USP46: variants seen among roughly 807,000 people sequenced by gnomAD.
USP46 encodes the protein ubiquitin carboxyl-terminal hydrolase 46.
Under a neutral mutation model 44.4 loss-of-function variants are expected in USP46, and 12 were observed. The observed-to-expected ratio is 0.27, with a 90% CI of 0.17 to 0.44. USP46 has a LOEUF of 0.44. Ranked by LOEUF, USP46 falls within the 20% of genes least tolerant of loss-of-function variation. The pLI, the probability that USP46 is intolerant of heterozygous loss-of-function variation, is 1.00. For synonymous variants in USP46, 155 were observed against 161.5 expected, an observed-to-expected ratio of 0.96 and a Z score of 0.31; for missense variants, 248 against 444.8, an observed-to-expected ratio of 0.56 and a Z score of 3.98.
intron 1 of USP46, among the ~76,000 whole-genome samples, chr4:52,656,757 C>G (rs1718966473): frequency 6.6e-6 from 1 of 152,070 alleles, no homozygotes; most frequent in South Asian, 2.1e-4. Flanking sequence ...AGAACCAGGA[C>G]CTGCCGGGTA....
intron 5 of USP46, among the ~76,000 whole-genome samples, chr4:52,608,312 A>G (rs1410840641): frequency 6.6e-6 from 1 of 152,140 alleles, no homozygotes; most frequent in Non-Finnish European, 1.5e-5. Flanking sequence ...CTTCTTTTTC[A>G]CTCACCACAA....
intron 1 of USP46, among the ~76,000 whole-genome samples, chr4:52,646,085 T>C (rs2109661213): frequency 6.6e-6 from 1 of 152,340 alleles, no homozygotes; most frequent in East Asian, 1.9e-4. Flanking sequence ...AGGTAGTTCT[T>C]TATAGCACTG....
intron 1 of USP46, among the ~76,000 whole-genome samples, chr4:52,632,990 A>AAAGAAAGAAAGAAAG: frequency 6.0e-5 from 4 of 66,342 alleles, no homozygotes; most frequent in African/African-American, 1.8e-4. Context: ...GAAAGAAAAG[A>AAAGAAAGAAAGAAAG]AAAGAAAGAA....
At chr4:52,623,228 AC>A (rs1285169710) in intron 4 of USP46, among the ~76,000 whole-genome samples, 1 of 152,158 alleles carries the variant, frequency 6.6e-6, no homozygotes, top group Non-Finnish European at 1.5e-5. Context: ...GAAGGAGTAC[AC>A]CCTTATTAAA....
chr4:52,626,899 C>G (rs1717613301), intron 3 of USP46, among the ~76,000 whole-genome samples: 1 of 152,148 alleles, frequency 6.6e-6, no homozygotes, highest in Admixed American at 6.5e-5. Context: ...TACCAATGAT[C>G]AATTAATTAT....
intron 5 of USP46, 74 bp from the exon 6 acceptor site, chr4:52,604,658 T>C: frequency 1.0e-6 from 1 of 999,658 alleles, no homozygotes; most frequent in Non-Finnish European, 1.5e-6. Context: ...AATCCCTCAA[T>C]TAACCTGTAG....
intron 1 of USP46, among the ~76,000 whole-genome samples, chr4:52,652,629 TGA>T (rs1486592148): frequency 6.6e-6 from 1 of 151,910 alleles, no homozygotes; most frequent in Admixed American, 6.6e-5. Context: ...AAAAGCAAAC[TGA>T]GAGGAATGTT....
chr4:52,620,549 GA>G (rs147210547), intron 4 of USP46, among the ~76,000 whole-genome samples: 40 of 152,088 alleles, frequency 2.6e-4, no homozygotes, highest in African/African-American at 8.4e-4. Context: ...GCAAATGTGG[GA>G]AAAAAACCCC....
intron 1 of USP46, among the ~76,000 whole-genome samples, chr4:52,657,485 A>C (rs1036824965): frequency 5.3e-5 from 8 of 152,152 alleles, no homozygotes; most frequent in African/African-American, 1.2e-4. Context: ...CAGGACAAGA[A>C]CACCACCAAG....
intron 7 of USP46, 133 bp downstream of exon 7, chr4:52,601,724 G>T (rs1716480091): frequency 3.8e-6 from 3 of 789,906 alleles, no homozygotes; most frequent in Non-Finnish European, 5.5e-6. Context: ...TTTTTGTGAT[G>T]ATCAGTAAGA....
intron 4 of USP46, among the ~76,000 whole-genome samples, chr4:52,616,337 T>TTTCCC (rs529482480): frequency 1.3e-5 from 2 of 152,096 alleles, no homozygotes; most frequent in African/African-American, 2.4e-5. Flanking sequence ...TTTCCTTTCC[T>TTTCCC]TTCCCTTCCC....
intron 4 of USP46, among the ~76,000 whole-genome samples, chr4:52,624,186 A>G (rs1393441208): frequency 1.3e-5 from 2 of 152,174 alleles, no homozygotes; most frequent in Non-Finnish European, 2.9e-5. Context: ...GGGAAATACC[A>G]TACTACTGCC....
chr4:52,653,466 G>T (rs1456947297), intron 1 of USP46, among the ~76,000 whole-genome samples: 1 of 134,336 alleles, frequency 7.4e-6, no homozygotes, highest in African/African-American at 2.9e-5. Flanking sequence ...TCGCACTCCA[G>T]CCTGGGCAAC....
intron 1 of USP46, among the ~76,000 whole-genome samples, chr4:52,654,358 A>G (rs1339404070): frequency 6.6e-6 from 1 of 152,220 alleles, no homozygotes; most frequent in Non-Finnish European, 1.5e-5. Context: ...CTGTTCCCCC[A>G]AATCACAAGA....
intron 6 of USP46, among the ~76,000 whole-genome samples, chr4:52,603,008 G>T (rs1397267559): frequency 1.3e-5 from 2 of 152,178 alleles, no homozygotes; most frequent in Non-Finnish European, 2.9e-5. Context: ...ATGCCATTTA[G>T]TTTGTGTACA....
chr4:52,630,671 A>C (rs1421794437), intron 2 of USP46, among the ~76,000 whole-genome samples: 2 of 144,822 alleles, frequency 1.4e-5, no homozygotes, highest in Non-Finnish European at 3.0e-5. Flanking sequence ...CACGAGGTGG[A>C]GGTTGCAGTG....
chr4:52,628,256 G>T (rs1717669089), intron 2 of USP46, 93 bp from the exon 3 acceptor site: 1 of 1,281,184 alleles, frequency 7.8e-7, no homozygotes, highest in Non-Finnish European at 1.1e-6. Flanking sequence ...CCTGCTCCGT[G>T]AACTGGCCTG....
At chr4:52,634,599 A>G (rs909351803) in intron 1 of USP46, among the ~76,000 whole-genome samples, 6 of 149,686 alleles carry the variant, frequency 4.0e-5, no homozygotes, top group Non-Finnish European at 8.9e-5. Context: ...TAATTTTTGT[A>G]TTTTTACTAG....
In USP46 at chr4:52,591,502, G is replaced by C. The variant is rs974081637; in HGVS notation, c.*6138C>G. 6.6e-6 allele frequency: 1 copy of C among 152,154 alleles called. No individual in the cohort carries two copies. The highest frequency in any genetic ancestry group is 2.1e-4 in the South Asian group (1 of 4,830). The allele number at this position is 152,154 out of a possible 1,614,324, so 9.4% of individuals were successfully genotyped here. On this transcript the variant is annotated 3_prime_UTR_variant, in exon 9 of 9. Transcript: ENST00000441222. Reference sequence around the variant, plus strand: ...ACCTCACTCTTTCTCTCACTCTTGGGAAAGAAAAAAGTGAAAGATGCATCC... The same window carrying C: ...ACCTCACTCTTTCTCTCACTCTTGGCAAAGAAAAAAGTGAAAGATGCATCC...
Sources: gnomAD v4.1 joint callset for allele counts (sites outside exome capture counted in the v4.1 genomes callset) on GRCh38, gnomAD v4.1.1 for gene constraint, MANE v1.5 for transcripts, NCBI Gene and HGNC (gene_info 2026-07-23, HGNC 2026-07-21) for gene names.